PDE3A: variants seen among roughly 807,000 people sequenced by gnomAD.
PDE3A encodes the protein cGMP-inhibited 3',5'-cyclic phosphodiesterase 3A.
A neutral mutation model predicts 98.3 loss-of-function variants in PDE3A; 43 were observed. That is an observed-to-expected ratio of 0.44 (90% CI 0.34 to 0.56). PDE3A has a LOEUF of 0.56. Among genes scored for constraint, PDE3A ranks in the 20% least tolerant of loss-of-function variants. The pLI is 0.01. For missense variants in PDE3A, 1,427 were observed against 1,440.7 expected, an observed-to-expected ratio of 0.99 and a Z score of 0.15; for synonymous variants, 663 against 567.9, an observed-to-expected ratio of 1.17 and a Z score of -2.38.
intron 2 of PDE3A, among the ~76,000 whole-genome samples, chr12:20,609,996 C>A (rs1190684698): frequency 3.3e-5 from 5 of 151,796 alleles, no homozygotes; most frequent in Admixed American, 2.0e-4. Flanking sequence ...GCAATGAATT[C>A]TTGGATAACA....
intron 1 of PDE3A, among the ~76,000 whole-genome samples, chr12:20,518,343 C>T (rs574060876): frequency 3.9e-5 from 6 of 151,956 alleles, no homozygotes; most frequent in South Asian, 2.1e-4. Flanking sequence ...CTAATCCTTG[C>T]TATGACAATG....
chr12:20,529,369 A>T (rs1000225204), intron 1 of PDE3A, among the ~76,000 whole-genome samples: 4 of 152,144 alleles, frequency 2.6e-5, no homozygotes, highest in African/African-American at 9.7e-5. Flanking sequence ...GAGAAAACTG[A>T]GACCCATATA....
chr12:20,639,137 AATTTC>A (rs899529363), intron 9 of PDE3A, among the ~76,000 whole-genome samples: 2 of 152,140 alleles, frequency 1.3e-5, no homozygotes, highest in Non-Finnish European at 2.9e-5. Context: ...CAGCATACAG[AATTTC>A]ATTACAGGTA....
intron 1 of PDE3A, among the ~76,000 whole-genome samples, chr12:20,526,699 C>T (rs1221876966): frequency 6.7e-6 from 1 of 149,462 alleles, no homozygotes; most frequent in African/African-American, 2.5e-5. Context: ...ATGTTATTTC[C>T]TATAGTGCCT....
At position 20,681,498 on chromosome 12, in the gene PDE3A, A is replaced by G. The variant is rs1945782683; in HGVS notation, c.*1227A>G. 1 of 152,226 alleles carries G rather than the reference A, an allele frequency of 6.6e-6. No homozygotes were observed. The highest frequency in any genetic ancestry group is 2.4e-5 in the African/African-American group (1 of 41,452). The allele number at this position is 152,226 out of a possible 1,614,324, so 9.4% of individuals were successfully genotyped here. A position where few individuals can be genotyped will look rare whatever the true frequency, so the allele number is the denominator to read the frequency against. On this transcript the variant is annotated 3_prime_UTR_variant, in exon 16 of 16. Coordinates refer to ENST00000359062, the MANE Select transcript of PDE3A (RefSeq NM_000921.5). ...GCAAGAGATGAAGGAGAATATTTCA[A>G]CACAGGGTTTTTGTGTTGACATAGG... is the stretch of plus-strand genomic sequence containing the variant.
intron 1 of PDE3A, among the ~76,000 whole-genome samples, chr12:20,412,891 C>A (rs577893987): frequency 6.6e-6 from 1 of 152,244 alleles, no homozygotes; most frequent in South Asian, 2.1e-4. Context: ...CTGTAAAAAT[C>A]AAATACTGTA....
In PDE3A at chr12:20,648,761, G is replaced by T; in HGVS notation, c.2639G>T (p.Arg880Leu). ...GCTGCATGGAATCTTTTCATGTCCC[G>T]GCCAGAGTATAACTTCTTAATTAAC... ...AAAAWNLFMS[R>L]PEYNFLINLD... is the part of the protein sequence containing the mutation. The change falls in exon 13 of 16, where the codon CGG becomes CTG. Residue 880 changes from arginine (R) to leucine (L), a missense_variant. Arg to Leu is a moderately radical substitution (Grantham distance 102). This residue lies in a region of PDE3A where 273 missense variants were observed against 420.3 expected (regional missense o/e 0.65). Transcript: ENST00000359062. 1 of 1,612,762 alleles carries T rather than the reference G, an allele frequency of 6.2e-7. No individual in the cohort carries two copies. The highest frequency in any genetic ancestry group is 8.5e-7 in the Non-Finnish European group (1 of 1,178,936).
In PDE3A at chr12:20,369,432, C is replaced by G; in HGVS notation, c.148C>G (p.Leu50Val). ...DSGCRGCWGD[L>V]VLQPLRSSRK... The stretch of plus-strand genomic sequence containing the variant: ...GGGCTGCCGTGGCTGCTGGGGAGAC[C>G]TGGTGCTGCAGCCGCTCCGGAGCTC... The change falls in exon 1 of 16, where the codon CTG (leucine) becomes GTG (valine). Residue 50 changes from leucine (L) to valine (V), a missense_variant. By Grantham distance (32) the Leu-to-Val change is conservative. Around this residue, in one of 3 missense-constraint regions of PDE3A, gnomAD observed 1,012 missense variants for 886.5 expected, o/e 1.14. Coordinates refer to ENST00000359062, the MANE Select transcript of PDE3A (RefSeq NM_000921.5). 1 of 1,555,706 alleles carries G rather than the reference C, an allele frequency of 6.4e-7. No homozygotes were observed.
intron 1 of PDE3A, among the ~76,000 whole-genome samples, chr12:20,446,882 G>C (rs1591941543): frequency 6.6e-6 from 1 of 152,260 alleles, no homozygotes; most frequent in South Asian, 2.1e-4. Flanking sequence ...AGAACCACCT[G>C]GATGGCTGAG....
chr12:20,613,357 TTC>T (rs1943915873), intron 2 of PDE3A, 84 bp from the exon 3 acceptor site: 3 of 1,222,052 alleles, frequency 2.5e-6, no homozygotes, highest in Non-Finnish European at 3.6e-6. Context: ...CCCAATTCAT[TTC>T]TTAGTGAAAA....
At position 20,502,875 on chromosome 12, in the gene PDE3A, G is replaced by T. The variant is rs146088883; in HGVS notation, c.961-53785G>T. 2.6e-5 allele frequency among the ~76,000 whole-genome samples: 4 copies of T among 152,266 alleles called. No homozygotes were observed. The East Asian group carries it at 7.7e-4, about 29-fold the overall frequency. The stretch of plus-strand genomic sequence containing the variant: ...AGAAGTGGTGTTTGGGAGCTGGACA[G>T]ACATAACTTTGGCCAGAGTTTGAAT... On this transcript the variant is annotated intron_variant, in intron 1 of 15. Coordinates refer to ENST00000359062, the MANE Select transcript of PDE3A (RefSeq NM_000921.5).
At chr12:20,443,288 A>G (rs1944900129) in intron 1 of PDE3A, among the ~76,000 whole-genome samples, 1 of 152,156 alleles carries the variant, frequency 6.6e-6, no homozygotes, top group African/African-American at 2.4e-5. Context: ...ATGGATATTG[A>G]TAAACTGTAC....
At chr12:20,426,880 T>C (rs561421650) in intron 1 of PDE3A, among the ~76,000 whole-genome samples, 1 of 152,190 alleles carries the variant, frequency 6.6e-6, no homozygotes, top group Non-Finnish European at 1.5e-5. Flanking sequence ...GCTTGGGCAG[T>C]AAAGGAATTA....
At chr12:20,618,185 G>C (rs572519438) in intron 4 of PDE3A, among the ~76,000 whole-genome samples, 1 of 152,134 alleles carries the variant, frequency 6.6e-6, no homozygotes, top group East Asian at 1.9e-4. Context: ...TGTGAAGAAA[G>C]GAAATTCATT....
intron 1 of PDE3A, among the ~76,000 whole-genome samples, chr12:20,422,614 A>G (rs1944538830): frequency 1.3e-5 from 2 of 152,242 alleles, no homozygotes; most frequent in Non-Finnish European, 2.9e-5. Flanking sequence ...CATAATTTAA[A>G]AAGACATATT....
At position 20,382,463 on chromosome 12, in the gene PDE3A, A is replaced by G. The variant is rs551305283; in HGVS notation, c.960+12219A>G. Among the ~76,000 whole-genome samples, 5 of 152,084 alleles carry G rather than the reference A, an allele frequency of 3.3e-5. No homozygotes were observed. In the South Asian group the frequency reaches 1.0e-3, roughly 31 times the overall value. On this transcript the variant is annotated intron_variant, in intron 1 of 15. Transcript: ENST00000359062. ...TTTCTTTGAAGTTCAAAAAAACTTCATTGATGATACCTCAAAGAAGTTTTC... is the reference window on the plus strand; with the variant it reads ...TTTCTTTGAAGTTCAAAAAAACTTCGTTGATGATACCTCAAAGAAGTTTTC...
At chr12:20,472,389 C>G (rs1273257907) in intron 1 of PDE3A, among the ~76,000 whole-genome samples, 2 of 152,122 alleles carry the variant, frequency 1.3e-5, no homozygotes, top group Non-Finnish European at 2.9e-5. Context: ...TTGTACATTC[C>G]TACAACATCG....
intron 2 of PDE3A, among the ~76,000 whole-genome samples, chr12:20,596,976 A>G (rs1034097568): frequency 2.6e-5 from 4 of 152,178 alleles, no homozygotes; most frequent in Non-Finnish European, 5.9e-5. Context: ...AGCATTGTGA[A>G]TAGCGTAGGG....
chr12:20,646,455 A>G (rs761721597), intron 10 of PDE3A, 35 bp from the exon 11 acceptor site: 12 of 1,177,306 alleles, frequency 1.0e-5, no homozygotes, highest in Non-Finnish European at 1.4e-5. Context: ...CCCAAAGTTC[A>G]TAAACTGATG....
Sources: gnomAD v4.1 joint callset for allele counts (sites outside exome capture counted in the v4.1 genomes callset) on GRCh38, gnomAD v4.1.1 for gene constraint, gnomAD v4.1.1 regional missense constraint, MANE v1.5 for transcripts, NCBI Gene and HGNC (gene_info 2026-07-23, HGNC 2026-07-21) for gene names.